Variants in KCNJ6 observed in about 807,000 individuals in gnomAD.
KCNJ6 encodes the protein G protein-activated inward rectifier potassium channel 2.
Under a neutral mutation model 34.2 loss-of-function variants are expected in KCNJ6, and 9 were observed. That is an observed-to-expected ratio of 0.26 (90% confidence interval 0.16 to 0.46). KCNJ6 has a LOEUF of 0.46. Ranked by LOEUF, KCNJ6 falls within the 20% of genes least tolerant of loss-of-function variation. The probability of loss-of-function intolerance (pLI) is 1.00; values close to 1 mark genes in which losing one functional copy is unlikely to be tolerated. For missense variants in KCNJ6, 236 were observed against 531.3 expected (o/e 0.44, Z 5.46); for synonymous variants, 196 against 207.1 (o/e 0.95, Z 0.46).
At chr21:37,850,330 TACTGGTCCGCGGCCTGTTAGGG>T (rs2055531208) in intron 1 of KCNJ6, among the ~76,000 whole-genome samples, 1 of 151,948 alleles carries the variant, frequency 6.6e-6, no homozygotes, top group South Asian at 2.1e-4. Context: ...CGTGGACCAA[TACTGGTCCGCGGCCTGTTAGGG>T]ACTGGGCCAC....
At chr21:37,721,977 C>T (rs2054828926) in intron 2 of KCNJ6, among the ~76,000 whole-genome samples, 1 of 151,078 alleles carries the variant, frequency 6.6e-6, no homozygotes, top group South Asian at 2.1e-4. Flanking sequence ...AAATAAAGTA[C>T]ATCCAAATAG....
At chr21:37,629,515 C>T (rs1240373940) in intron 3 of KCNJ6, among the ~76,000 whole-genome samples, 3 of 151,968 alleles carry the variant, frequency 2.0e-5, no homozygotes, top group Admixed American at 6.6e-5. Context: ...TACTGGTGGG[C>T]CCTAGTCCAA....
At chr21:37,692,745 A>G (rs565819519) in intron 3 of KCNJ6, among the ~76,000 whole-genome samples, 1 of 152,240 alleles carries the variant, frequency 6.6e-6, no homozygotes, top group African/African-American at 2.4e-5. Flanking sequence ...ACATTCTCTA[A>G]CAAACAAAAT....
chr21:37,906,511 G>A (rs2055842252), intron 1 of KCNJ6, among the ~76,000 whole-genome samples: 1 of 152,208 alleles, frequency 6.6e-6, no homozygotes, highest in Admixed American at 6.5e-5. Flanking sequence ...CAGATGATTG[G>A]CCCTGTCCTC....
intron 3 of KCNJ6, among the ~76,000 whole-genome samples, chr21:37,711,066 G>A (rs375882427): frequency 1.3e-5 from 2 of 152,334 alleles, no homozygotes; most frequent in African/African-American, 4.8e-5. Flanking sequence ...GCATGGGTCT[G>A]TCTTTTGTGC....
chr21:37,879,243 GA>G (rs1477884524), intron 1 of KCNJ6, among the ~76,000 whole-genome samples: 1 of 152,174 alleles, frequency 6.6e-6, no homozygotes, highest in African/African-American at 2.4e-5. Context: ...TAACTCCATA[GA>G]GAATTTGTAC....
intron 1 of KCNJ6, among the ~76,000 whole-genome samples, chr21:37,853,846 G>GTGTGTGTA (rs71198897): frequency 8.6e-6 from 1 of 115,992 alleles, no homozygotes; most frequent in African/African-American, 4.0e-5. Flanking sequence ...ATATATATAT[G>GTGTGTGTA]TATATATATA....
chr21:37,853,400 AC>A (rs2055547168), intron 1 of KCNJ6, among the ~76,000 whole-genome samples: 1 of 147,390 alleles, frequency 6.8e-6, no homozygotes, highest in Non-Finnish European at 1.5e-5. Context: ...GGGAAAAAAA[AC>A]ATTTTCAGCT....
chr21:37,626,130 C>CTTTT (rs10649366), intron 3 of KCNJ6, among the ~76,000 whole-genome samples: 6 of 143,040 alleles, frequency 4.2e-5, no homozygotes, highest in Non-Finnish European at 7.5e-5. Context: ...TTTCCCCCTT[C>CTTTT]TTTTTTTTTT....
At chr21:37,703,474 T>C (rs2054702503) in intron 3 of KCNJ6, among the ~76,000 whole-genome samples, 1 of 152,190 alleles carries the variant, frequency 6.6e-6, no homozygotes, top group South Asian at 2.1e-4. Context: ...GAGATGGTGT[T>C]GAAAGACTGA....
At chr21:37,681,767 C>T (rs941367411) in intron 3 of KCNJ6, among the ~76,000 whole-genome samples, 10 of 97,650 alleles carry the variant, frequency 1.0e-4, no homozygotes, top group South Asian at 4.5e-4. Flanking sequence ...AGAAAGAGAG[C>T]GGGAGAGAGG....
intron 3 of KCNJ6, among the ~76,000 whole-genome samples, chr21:37,662,419 T>C (rs544083417): frequency 9.8e-5 from 15 of 152,364 alleles, no homozygotes; most frequent in Admixed American, 5.9e-4. Flanking sequence ...GCTTCATCCA[T>C]GTCCCTGCAA....
At chr21:37,625,552 A>G in intron 3 of KCNJ6, 68 bp from the exon 4 acceptor site, 4 of 1,181,658 alleles carry the variant, frequency 3.4e-6, no homozygotes, top group Non-Finnish European at 4.9e-6. Flanking sequence ...GGAGTCACAG[A>G]GAGCCAGGAG....
intron 2 of KCNJ6, among the ~76,000 whole-genome samples, chr21:37,813,630 T>C (rs1000849654): frequency 9.2e-5 from 14 of 152,132 alleles, no homozygotes; most frequent in African/African-American, 2.9e-4. Context: ...TTCAACAAAG[T>C]TGCTGATAAC....
chr21:37,891,713 C>T (rs2055763003), intron 1 of KCNJ6, among the ~76,000 whole-genome samples: 1 of 151,802 alleles, frequency 6.6e-6, no homozygotes, highest in Non-Finnish European at 1.5e-5. Context: ...CTCAGTGACC[C>T]CCTCATATAT....
intron 2 of KCNJ6, among the ~76,000 whole-genome samples, chr21:37,781,065 A>G (rs546465111): frequency 1.3e-5 from 2 of 152,296 alleles, no homozygotes; most frequent in East Asian, 3.9e-4. Context: ...GCTCCTTCCT[A>G]TGTCGAGTCT....
intron 3 of KCNJ6, among the ~76,000 whole-genome samples, chr21:37,707,605 A>G (rs890142081): frequency 2.6e-4 from 21 of 79,388 alleles, no homozygotes; most frequent in South Asian, 1.3e-3. Flanking sequence ...AAAGAAGCTT[A>G]CTAAGTAATT....
chr21:37,652,668 T>C (rs1291320700), intron 3 of KCNJ6, among the ~76,000 whole-genome samples: 1 of 152,192 alleles, frequency 6.6e-6, no homozygotes, highest in South Asian at 2.1e-4. Flanking sequence ...ACAGGACTTT[T>C]AGTGCTAAAA....
chr21:37,694,474 C>T (rs749458990), intron 3 of KCNJ6, among the ~76,000 whole-genome samples: 7 of 152,172 alleles, frequency 4.6e-5, no homozygotes, highest in Non-Finnish European at 8.8e-5. Flanking sequence ...GGGATTTTGC[C>T]TTACATAACT....
Sources: gnomAD v4.1 joint callset for allele counts (sites outside exome capture counted in the v4.1 genomes callset) on GRCh38, gnomAD v4.1.1 for gene constraint, MANE v1.5 for transcripts, NCBI Gene and HGNC (gene_info 2026-07-23, HGNC 2026-07-21) for gene names.